PIK3C2B: variants seen among roughly 807,000 people sequenced by gnomAD.
PIK3C2B encodes phosphatidylinositol-4-phosphate 3-kinase catalytic subunit type 2 beta.
Under a neutral mutation model 184.3 loss-of-function variants are expected in PIK3C2B, and 83 were observed. The observed-to-expected ratio is 0.45, with a 90% CI of 0.38 to 0.54. The LOEUF is 0.54. Ranked by LOEUF, PIK3C2B falls within the 20% of genes least tolerant of loss-of-function variation. The probability of loss-of-function intolerance (pLI) is 0.00; values close to 1 mark genes in which losing one functional copy is unlikely to be tolerated. For missense variants in PIK3C2B, 1,736 were observed against 2,113.5 expected (o/e 0.82, Z 3.50); for synonymous variants, 779 against 837.6 (o/e 0.93, Z 1.21).
rs148058329 is a variant in PIK3C2B at position 204,433,636 on chromosome 1, G to A, written c.3843+157C>T. Among the ~76,000 whole-genome samples, 4 of 152,276 alleles carry A rather than the reference G, an allele frequency of 2.6e-5. No individual in the cohort carries two copies. The highest frequency in any genetic ancestry group is 2.9e-5 in the Non-Finnish European group (2 of 68,028). On this transcript the variant is annotated intron_variant, in intron 25 of 32. Transcript: ENST00000684373. This position sits in a 1 kb window ranked among gnomAD's most constrained non-coding sequence, Gnocchi z 5.0. ...CCTACACAGACATCATTGTCCTCAGGTAGTCTGGGTCCCTGCCTTTATCTA... is the reference window on the plus strand; with the variant it reads ...CCTACACAGACATCATTGTCCTCAGATAGTCTGGGTCCCTGCCTTTATCTA...
rs779283019 is a variant in PIK3C2B at position 204,431,707 on chromosome 1, A to C, written c.4242T>G (p.Asn1414Lys). The C allele has an allele frequency of 1.2e-5, 20 of 1,614,174 alleles. No homozygotes were observed. Among genetic ancestry groups the C allele is most frequent in the Non-Finnish European group, 1.7e-5 (20 of 1,180,036 alleles). ...AAGAAGGGAAGAGCAGCCGCAACTT[A>C]TTGTGTAATTCCTGGAACTCCTCAA... ...RTFEEFQELHNKLRLLFPSSH... is the reference protein window; with the variant it reads ...RTFEEFQELHKKLRLLFPSSH... The change falls in exon 28 of 33, where the codon AAT becomes AAG. Residue 1414 changes from asparagine to lysine, a missense_variant. Transcript: ENST00000684373.
chr1:204,446,218 G>T, intron 15 of PIK3C2B, 74 bp from the exon 16 acceptor site: 1 of 1,067,248 alleles, frequency 9.4e-7, no homozygotes, highest in Non-Finnish European at 1.4e-6. Context: ...CAGCCAGGGG[G>T]TGCAGCCCTT....
chr1:204,459,530 T>C (rs1410487997), intron 8 of PIK3C2B, among the ~76,000 whole-genome samples: 4 of 152,174 alleles, frequency 2.6e-5, no homozygotes, highest in Non-Finnish European at 5.9e-5. Context: ...GTTTCTGACA[T>C]TGCTCATAGG....
At chr1:204,454,643 C>A (rs1286664392) in intron 12 of PIK3C2B, 26 bp downstream of exon 12, 2 of 1,610,904 alleles carry the variant, frequency 1.2e-6, no homozygotes, top group Non-Finnish European at 1.7e-6. Flanking sequence ...GTGGCCTGGG[C>A]ACTGAAGCCT....
At chr1:204,431,968 C>T (rs1207423192) in intron 27 of PIK3C2B, among the ~76,000 whole-genome samples, 175 bp from the exon 28 acceptor site, 1 of 152,124 alleles carries the variant, frequency 6.6e-6, no homozygotes, top group East Asian at 1.9e-4. Flanking sequence ...AGCAGACTTC[C>T]CACATATGTT....
In PIK3C2B at chr1:204,425,603, C is replaced by T. The variant is rs1166858834; in HGVS notation, c.4716+10G>A. The T allele has an allele frequency of 8.1e-6, 13 of 1,613,688 alleles. No individual in the cohort carries two copies. The Admixed American group carries it at 2.2e-4, about 27-fold the overall frequency. ...AACCCCTGCCCTACCCCACCATTTT[C>T]CCCACCCACCATCTCATTGTAGGTA... On this transcript the variant is annotated intron_variant, in intron 32 of 32. Coordinates refer to ENST00000684373, the MANE Select transcript of PIK3C2B (RefSeq NM_001377334.1).
rs1188224146 is a variant in PIK3C2B, at chr1:204,422,887, A to G, written c.*1965T>C. The G allele has an allele frequency of 1.3e-5, 2 of 152,626 alleles. No individual in the cohort carries two copies. Among genetic ancestry groups the G allele is most frequent in the Non-Finnish European group, 2.9e-5 (2 of 68,028 alleles). The allele number at this position is 152,626 out of a possible 1,614,324, so 9.5% of individuals were successfully genotyped here. A position where few individuals can be genotyped will look rare whatever the true frequency, so the allele number is the denominator to read the frequency against. ...GCTTTATCCTTGGCATTTTAATTTT[A>G]GAGAAAATTTAAACTTCCATGCTGC... On this transcript the variant is annotated 3_prime_UTR_variant, in exon 33 of 33. Coordinates refer to ENST00000684373, the MANE Select transcript of PIK3C2B (RefSeq NM_001377334.1).
chr1:204,470,255 C>A (rs1470490672), intron 1 of PIK3C2B, among the ~76,000 whole-genome samples: 1 of 151,750 alleles, frequency 6.6e-6, no homozygotes, highest in African/African-American at 2.4e-5. Context: ...GCAACCTCCA[C>A]CTCCCAGGTT....
chr1:204,460,520 T>G (rs780267074), intron 6 of PIK3C2B, 30 bp downstream of exon 6: 2 of 1,588,984 alleles, frequency 1.3e-6, no homozygotes, highest in Non-Finnish European at 1.7e-6. Flanking sequence ...TCCCCAGCCC[T>G]GGGCAACCCT....
At chr1:204,438,771 C>T (rs770227436) in intron 23 of PIK3C2B, among the ~76,000 whole-genome samples, 164 bp downstream of exon 23, 13 of 152,162 alleles carry the variant, frequency 8.5e-5, no homozygotes, top group Non-Finnish European at 1.9e-4. Flanking sequence ...GAGTGAGTCA[C>T]CCCCAGATAT....
chr1:204,443,407 C>T lies in PIK3C2B; in HGVS notation c.3048+10G>A. On this transcript the variant is annotated intron_variant, in intron 19 of 32. Coordinates refer to ENST00000684373, the MANE Select transcript of PIK3C2B (RefSeq NM_001377334.1). ...TGAGAAATGGGTAGGGGCAGCCTCACCCCACTAACCTGCCTTGCAGATGGG... is the reference window on the plus strand; with the variant it reads ...TGAGAAATGGGTAGGGGCAGCCTCATCCCACTAACCTGCCTTGCAGATGGG... 1 of 1,611,172 alleles carries T rather than the reference C, an allele frequency of 6.2e-7. No homozygotes were observed. Among genetic ancestry groups the T allele is most frequent in the Non-Finnish European group, 8.5e-7 (1 of 1,177,756 alleles).
At position 204,443,303 on chromosome 1, in the gene PIK3C2B, C is replaced by T. The variant is rs1469184784; in HGVS notation, c.3048+114G>A. On this transcript the variant is annotated intron_variant, in intron 19 of 32. Transcript: ENST00000684373. ...CTAGTTTCCAGAGTCAGCTGCTCCC[C>T]GCTCCAAAATCAAAAATCGTCACGT... The T allele has an allele frequency of 8.9e-6, 9 of 1,006,110 alleles. No individual in the cohort carries two copies. The African/African-American group carries it at 9.6e-5, about 11-fold the overall frequency. 62.3% of individuals were successfully genotyped at this position (1,006,110 alleles called of 1,614,324 possible).
At position 204,424,928 on chromosome 1, in the gene PIK3C2B, C is replaced by A; in HGVS notation, c.4829G>T (p.Arg1610Leu). The change falls in exon 33 of 33, where the codon CGC (arginine) becomes CTC (leucine). Residue 1610 changes from arginine (R) to leucine (L), a missense_variant. Coordinates refer to ENST00000684373, the MANE Select transcript of PIK3C2B (RefSeq NM_001377334.1). ...CTGAGCCAGGTCCAGCTCTCGCAGGCGGATGTTCACCTCACCGAGGAGGAC... is the reference window on the plus strand; with the variant it reads ...CTGAGCCAGGTCCAGCTCTCGCAGGAGGATGTTCACCTCACCGAGGAGGAC... Reference protein sequence around the residue: ...ENVLLGEVNIRLRELDLAQEK... With the variant: ...ENVLLGEVNILLRELDLAQEK... 6.2e-7 allele frequency: 1 copy of A among 1,614,210 alleles called. No homozygotes were observed. The highest frequency in any genetic ancestry group is 8.5e-7 in the Non-Finnish European group (1 of 1,180,030).
intron 1 of PIK3C2B, chr1:204,490,117 A>G (rs1454706929): frequency 1.0e-5 from 4 of 394,492 alleles, no homozygotes; most frequent in Non-Finnish European, 1.8e-5. Flanking sequence ...TGGAAGGATA[A>G]CAGTTTCCAA....
Position 204,449,257 on chromosome 1 carries a change from T to C in PIK3C2B, c.2274A>G (p.Pro758=). Residue 758 remains proline (P), a synonymous_variant, in exon 14 of 33, where the codon CCA becomes CCG. Coordinates refer to ENST00000684373, the MANE Select transcript of PIK3C2B (RefSeq NM_001377334.1). ...TCGRKLLGLW[P]ATQENPSARW... Reference sequence around the variant, plus strand: ...GGGCGCTGGGATTTTCCTGTGTTGCTGGCCACAAACCCAGAAGCTTCCGGC... The same window carrying C: ...GGGCGCTGGGATTTTCCTGTGTTGCCGGCCACAAACCCAGAAGCTTCCGGC... The C allele has an allele frequency of 1.2e-6, 2 of 1,613,000 alleles. No homozygotes were observed. The highest frequency in any genetic ancestry group is 1.7e-6 in the Non-Finnish European group (2 of 1,179,682).
chr1:204,472,884 T>C (rs1656406819), intron 1 of PIK3C2B, among the ~76,000 whole-genome samples: 2 of 152,226 alleles, frequency 1.3e-5, no homozygotes, highest in Non-Finnish European at 1.5e-5. Flanking sequence ...GAGATTCTAA[T>C]GTGTAGCCCA....
intron 10 of PIK3C2B, 113 bp downstream of exon 10, chr1:204,456,908 CCACACACACACACACA>C (rs1177687096): frequency 0.09 from 19,096 of 211,954 alleles, 3,563 homozygotes; most frequent in South Asian, 0.15. Context: ...ACACACACAC[CCACACACACACACACA>C]CCAGCCGAAC....
chr1:204,444,492 C>T (rs1469648706), intron 16 of PIK3C2B, 68 bp from the exon 17 acceptor site: 1 of 1,127,400 alleles, frequency 8.9e-7, no homozygotes, highest in Non-Finnish European at 1.3e-6. Context: ...AGCCCAGCAC[C>T]CTCACACCTG....
chr1:204,454,593 T>C, intron 12 of PIK3C2B, 76 bp downstream of exon 12: 1 of 1,513,008 alleles, frequency 6.6e-7, no homozygotes, highest in Non-Finnish European at 9.0e-7. Context: ...GGACTAGTTA[T>C]CTGGCCCCAG....
Sources: allele counts gnomAD v4.1 joint callset (sites outside exome capture counted in the v4.1 genomes callset), GRCh38; gene constraint gnomAD v4.1.1; non-coding constraint Gnocchi (gnomAD v3.1); transcripts MANE v1.5; gene names NCBI Gene and HGNC (gene_info 2026-07-23, HGNC 2026-07-21).